Variants in ACOT1 observed in about 807,000 individuals in gnomAD.
The protein encoded by ACOT1 is acyl-coenzyme A thioesterase 1.
In ACOT1, 8 loss-of-function variants were observed where a neutral mutation model predicts 15.7. The ratio of observed to expected loss-of-function variants is 0.51; its 90% CI spans 0.30 to 0.92. The LOEUF (loss-of-function observed/expected upper bound fraction) is 0.92. Ranked by LOEUF, ACOT1 falls within the 40% of genes least tolerant of loss-of-function variation. The pLI is 0.06. For synonymous variants in ACOT1, 67 were observed against 241.2 expected (o/e 0.28, Z 6.69); for missense variants, 151 against 539.4 (o/e 0.28, Z 7.13).
the ACOT1 span, among the ~76,000 whole-genome samples, chr14:73,518,705 CCT>C: frequency 1.3e-5 from 2 of 152,016 alleles, 1 homozygote; most frequent in African/African-American, 4.8e-5. Context: ...ATGCACTTTC[CCT>C]GTTAGGTGCA....
intron 2 of ACOT1, 75 bp from the exon 3 acceptor site, chr14:73,542,975 C>A (rs1476945667): frequency 1.6e-6 from 2 of 1,216,146 alleles, no homozygotes; most frequent in African/African-American, 3.3e-5. Context: ...AACTAACTTC[C>A]AGGGTGGGCA....
At chr14:73,508,085 G>T in the ACOT1 span, 1 of 1,556,908 alleles carries the variant, frequency 6.4e-7, no homozygotes, top group Non-Finnish European at 8.8e-7. Flanking sequence ...TGACCTCAAA[G>T]ACCTAATTGC....
the ACOT1 span, chr14:73,491,402 C>T: frequency 1.7e-5 from 23 of 1,345,680 alleles, no homozygotes; most frequent in African/African-American, 3.4e-4. Context: ...TTCCGCGCCG[C>T]CCGCGCGCCT....
chr14:73,491,251 G>A, the ACOT1 span: 4 of 1,582,238 alleles, frequency 2.5e-6, no homozygotes, highest in Non-Finnish European at 3.4e-6. Context: ...TGGGGGACGC[G>A]CTACCCGGTG....
At chr14:73,491,163 G>T in the ACOT1 span, 3 of 1,603,588 alleles carry the variant, frequency 1.9e-6, no homozygotes, top group South Asian at 1.1e-5. Context: ...GTTGTATCCC[G>T]CATGGCAGCG....
Position 73,537,998 on chromosome 14 carries a change from C to T in ACOT1, c.457+120C>T, listed in dbSNP as rs1484561115. ...CTTTTCGCTTGTGTGTGTGTCCCTC[C>T]TCCCGCCCCACCACCACCACCCCGG... On this transcript the variant is annotated intron_variant, in intron 1 of 2. Transcript: ENST00000311148. The T allele has an allele frequency of 1.1e-5, 10 of 877,668 alleles. 2 individuals are homozygous for T. The highest frequency in any genetic ancestry group is 1.5e-5 in the Non-Finnish European group (10 of 671,618). The allele number at this position is 877,668 out of a possible 1,614,324, so 54.4% of individuals were successfully genotyped here.
chr14:73,524,310 A>AAAAAAAAAAAAAATATATATATAT, the ACOT1 span, among the ~76,000 whole-genome samples: 1 of 54,778 alleles, frequency 1.8e-5, no homozygotes, highest in African/African-American at 8.8e-5. Flanking sequence ...AAAAAAAAAA[A>AAAAAAAAAAAAAATATATATATAT]ATATATATAT....
upstream of ACOT1, among the ~76,000 whole-genome samples, chr14:73,534,807 CT>C (rs553194860): frequency 3.1e-3 from 290 of 93,810 alleles, 6 homozygotes; most frequent in Admixed American, 4.6e-3. Flanking sequence ...ATCTTTTCTG[CT>C]TTTTTTTTTT....
the ACOT1 span, chr14:73,520,511 G>C: frequency 5.3e-6 from 1 of 190,136 alleles, no homozygotes; most frequent in African/African-American, 2.3e-5. Context: ...AGAATATCTC[G>C]AAGTGGGAGA....
chr14:73,520,925 A>C, the ACOT1 span: 1 of 1,614,022 alleles, frequency 6.2e-7, no homozygotes, highest in Non-Finnish European at 8.5e-7. Context: ...TCACCTGGCG[A>C]AAGTAGCTCT....
chr14:73,531,004 A>G, the ACOT1 span: 1 of 96,484 alleles, frequency 1.0e-5, no homozygotes, highest in Non-Finnish European at 2.2e-5. Flanking sequence ...TAAGATCACC[A>G]TACTGCTTGG....
the ACOT1 span, among the ~76,000 whole-genome samples, chr14:73,497,514 A>G: frequency 6.6e-6 from 1 of 152,238 alleles, no homozygotes; most frequent in Admixed American, 6.5e-5. Context: ...ACGGGCTCAC[A>G]TAGCTATTGC....
At chr14:73,498,308 G>C in the ACOT1 span, 1 of 1,610,758 alleles carries the variant, frequency 6.2e-7, no homozygotes. Context: ...CAGAAGATCC[G>C]TCAGCTCGGG....
chr14:73,500,222 T>C, the ACOT1 span, among the ~76,000 whole-genome samples: 3 of 151,104 alleles, frequency 2.0e-5, no homozygotes, highest in East Asian at 5.8e-4. Context: ...AGAGCGAGAC[T>C]CCGTCTCAAA....
At chr14:73,527,496 G>T in the ACOT1 span, 1 of 151,224 alleles carries the variant, frequency 6.6e-6, no homozygotes. Context: ...TCTGCCTATG[G>T]AGTAGCCATT....
chr14:73,537,864 T>G lies in ACOT1; in HGVS notation c.443T>G (p.Leu148Arg), dbSNP rs756298246. 13 of 1,199,580 alleles carry G rather than the reference T, an allele frequency of 1.1e-5. 2 individuals are homozygous for G. Among genetic ancestry groups the G allele is most frequent in the Admixed American group, 2.9e-5 (1 of 34,342 alleles). The allele number at this position is 1,199,580 out of a possible 1,614,324, so 74.3% of individuals were successfully genotyped here. A position where few individuals can be genotyped will look rare whatever the true frequency, so the allele number is the denominator to read the frequency against. ...PVRAGRVRGTLFLPPEPGPFP... is the reference protein window; with the variant it reads ...PVRAGRVRGTRFLPPEPGPFP... The stretch of plus-strand genomic sequence containing the variant: ...CGCGCGGGCCGGGTGCGAGGCACGC[T>G]CTTCCTGCCGCCAGGTGACTCACCT... Residue 148 changes from leucine to arginine, a missense_variant, in exon 1 of 3, where the codon CTC becomes CGC. Leu to Arg is a moderately radical substitution (Grantham distance 102). Coordinates refer to ENST00000311148, the MANE Select transcript of ACOT1 (RefSeq NM_001037161.2).
the ACOT1 span, among the ~76,000 whole-genome samples, chr14:73,516,527 A>G: frequency 1.3e-5 from 2 of 150,130 alleles, no homozygotes; most frequent in African/African-American, 2.5e-5. Context: ...ATAGGAATAA[A>G]AAATACAACT....
the ACOT1 span, among the ~76,000 whole-genome samples, chr14:73,507,041 G>T: frequency 6.6e-6 from 1 of 152,034 alleles, no homozygotes; most frequent in South Asian, 2.1e-4. Context: ...GACCTCAGGT[G>T]ATCTGCCTGC....
chr14:73,517,664 T>A, the ACOT1 span, among the ~76,000 whole-genome samples: 12 of 52,892 alleles, frequency 2.3e-4, 1 homozygote, highest in African/African-American at 8.9e-4. Context: ...TGAGACCCTG[T>A]CAAAAAAAAA....
Sources: gnomAD v4.1 joint callset for allele counts (sites outside exome capture counted in the v4.1 genomes callset) on GRCh38, gnomAD v4.1.1 for gene constraint, MANE v1.5 for transcripts, NCBI Gene and HGNC (gene_info 2026-07-23, HGNC 2026-07-21) for gene names.